DHDDS: variants seen among roughly 807,000 people sequenced by gnomAD.
The protein encoded by DHDDS is dehydrodolichyl diphosphate synthase subunit.
Under a neutral mutation model 46.2 loss-of-function variants are expected in DHDDS, and 16 were observed. That is an observed-to-expected ratio of 0.35 (90% CI 0.23 to 0.53). DHDDS has a LOEUF of 0.53. Among genes scored for constraint, DHDDS ranks in the 20% least tolerant of loss-of-function variants. The probability of loss-of-function intolerance (pLI) is 0.94; values close to 1 mark genes in which losing one functional copy is unlikely to be tolerated. For missense variants in DHDDS, 340 were observed against 423.7 expected (o/e 0.80, Z 1.73); for synonymous variants, 151 against 163.1 (o/e 0.93, Z 0.56).
At chr1:26,457,316 A>C (rs1474124878) in intron 6 of DHDDS, among the ~76,000 whole-genome samples, 1 of 151,226 alleles carries the variant, frequency 6.6e-6, no homozygotes, top group African/African-American at 2.4e-5. Context: ...AAAAAAAAAA[A>C]AAACAAATTA....
intron 6 of DHDDS, chr1:26,448,023 A>G (rs1222441131): frequency 9.8e-6 from 5 of 508,796 alleles, no homozygotes; most frequent in Admixed American, 3.6e-5. Context: ...CCAGAGAAAG[A>G]GCAAAGCAGA....
chr1:26,438,440 A>G (rs1370208043), intron 3 of DHDDS, 156 bp downstream of exon 3: 17 of 741,184 alleles, frequency 2.3e-5, no homozygotes, highest in South Asian at 1.1e-4. Flanking sequence ...TCATCTTGAC[A>G]TTGGCCAGAC....
intron 3 of DHDDS, among the ~76,000 whole-genome samples, chr1:26,441,890 C>A (rs1456714498): frequency 7.2e-6 from 1 of 138,848 alleles, no homozygotes; most frequent in East Asian, 2.0e-4. Context: ...AGCAAGACTC[C>A]AGCTTAAAAA....
chr1:26,436,340 C>T (rs1398885522), intron 2 of DHDDS, among the ~76,000 whole-genome samples: 2 of 152,060 alleles, frequency 1.3e-5, no homozygotes, highest in Non-Finnish European at 2.9e-5. Flanking sequence ...GTGGAGGTTG[C>T]AAATGACCTG....
Position 26,435,815 on chromosome 1 carries a change from A to C in DHDDS, c.64-2353A>C, listed in dbSNP as rs866297454. 5.9e-5 allele frequency among the ~76,000 whole-genome samples: 9 copies of C among 152,104 alleles called. 1 individual carries two copies. Among genetic ancestry groups the C allele is most frequent in the Middle Eastern group, 6.8e-3 (2 of 294 alleles). On this transcript the variant is annotated intron_variant, in intron 2 of 8. Transcript: ENST00000236342. ...TTTTTAGTAGAGACGGGGTTTCACC[A>C]TACTGGCCAGCCTGGTCTTGAATTC...
chr1:26,454,800 A>C (rs2075355512), intron 6 of DHDDS: 1 of 1,579,766 alleles, frequency 6.3e-7, no homozygotes, highest in African/African-American at 1.3e-5. Flanking sequence ...TGAGCTCTGT[A>C]GGTCCAGCGG....
chr1:26,446,264 T>G (rs2075266666), intron 4 of DHDDS, 52 bp from the exon 5 acceptor site: 2 of 1,568,646 alleles, frequency 1.3e-6, no homozygotes, highest in Non-Finnish European at 1.8e-6. Flanking sequence ...CACCTTGCTC[T>G]CTCCAGCTCA....
chr1:26,468,811 G>GCCCC, intron 8 of DHDDS, 84 bp from the exon 9 acceptor site: 1 of 637,984 alleles, frequency 1.6e-6, no homozygotes, highest in Non-Finnish European at 2.6e-6. Flanking sequence ...CCCACCCTGT[G>GCCCC]CCCCACCCCC....
intron 3 of DHDDS, among the ~76,000 whole-genome samples, chr1:26,440,027 C>G (rs186350010): frequency 1.3e-5 from 2 of 152,280 alleles, no homozygotes; most frequent in East Asian, 3.9e-4. Context: ...GTAGTCCCAG[C>G]TACTCGGGAG....
intron 8 of DHDDS, among the ~76,000 whole-genome samples, chr1:26,466,659 C>T (rs991559036): frequency 6.6e-6 from 1 of 152,258 alleles, no homozygotes; most frequent in Non-Finnish European, 1.5e-5. Flanking sequence ...CTGGAAGAAG[C>T]TTGCGCCTCA....
chr1:26,457,972 CAGAG>C, intron 7 of DHDDS, 67 bp downstream of exon 7: 2 of 1,399,582 alleles, frequency 1.4e-6, no homozygotes, highest in Non-Finnish European at 2.0e-6. Context: ...CAGAATGGAT[CAGAG>C]TGGTCCATCC....
chr1:26,457,334 G>T (rs1419827177), intron 6 of DHDDS, among the ~76,000 whole-genome samples: 1 of 151,004 alleles, frequency 6.6e-6, no homozygotes, highest in South Asian at 2.1e-4. Flanking sequence ...TTAGCAGGGT[G>T]TGGTGGCGGG....
chr1:26,443,623 CA>C (rs1327505856), intron 4 of DHDDS, among the ~76,000 whole-genome samples: 13 of 152,254 alleles, frequency 8.5e-5, no homozygotes, highest in African/African-American at 3.1e-4. Context: ...CTACCTGTAC[CA>C]GGAAGATGAG....
At chr1:26,433,126 C>A in intron 2 of DHDDS, 118 bp downstream of exon 2, 2 of 1,090,444 alleles carry the variant, frequency 1.8e-6, no homozygotes, top group Non-Finnish European at 2.8e-6. Flanking sequence ...TGGAATTTAG[C>A]AAGGAAACCA....
At chr1:26,465,020 A>G (rs1428607011) in intron 8 of DHDDS, among the ~76,000 whole-genome samples, 1 of 152,146 alleles carries the variant, frequency 6.6e-6, no homozygotes, top group Admixed American at 6.5e-5. Flanking sequence ...GCAAAGGGAG[A>G]TCTTGACTAT....
intron 4 of DHDDS, among the ~76,000 whole-genome samples, chr1:26,444,004 G>C (rs1241489228): frequency 6.6e-6 from 1 of 152,202 alleles, no homozygotes; most frequent in Non-Finnish European, 1.5e-5. Flanking sequence ...GGGTCACACA[G>C]CTATCAGACA....
chr1:26,468,514 G>A (rs1438674749), intron 8 of DHDDS, among the ~76,000 whole-genome samples: 1 of 152,164 alleles, frequency 6.6e-6, no homozygotes, highest in Non-Finnish European at 1.5e-5. Context: ...CACTCTTCAA[G>A]GTAGGCACAA....
chr1:26,457,425 G>A (rs1015371369), intron 6 of DHDDS, among the ~76,000 whole-genome samples: 1 of 151,672 alleles, frequency 6.6e-6, no homozygotes, highest in African/African-American at 2.4e-5. Context: ...AGCCGAGATC[G>A]TGCCACTGCA....
intron 4 of DHDDS, 125 bp downstream of exon 4, chr1:26,442,998 T>C: frequency 2.7e-6 from 4 of 1,500,370 alleles, no homozygotes; most frequent in Non-Finnish European, 3.6e-6. Context: ...TAGTTAGATA[T>C]CTTGGGTGGC....
Sources: allele counts gnomAD v4.1 joint callset (sites outside exome capture counted in the v4.1 genomes callset), GRCh38; gene constraint gnomAD v4.1.1; transcripts MANE v1.5; gene names NCBI Gene and HGNC (gene_info 2026-07-23, HGNC 2026-07-21).